The following CLN6 variants were observed in gnomAD, a reference collection of about 807,000 sequenced individuals.
The protein encoded by CLN6 is CLN6 transmembrane ER protein, also known as ceroid-lipofuscinosis neuronal protein 6.
Under a neutral mutation model 33.3 loss-of-function variants are expected in CLN6, and 22 were observed. That is an observed-to-expected ratio of 0.66 (90% CI 0.47 to 0.94). The LOEUF (loss-of-function observed/expected upper bound fraction) is 0.94. Ranked by LOEUF, CLN6 falls within the 40% of genes least tolerant of loss-of-function variation. CLN6 has a pLI of 0.00. For missense variants in CLN6, 387 were observed against 417.1 expected (o/e 0.93, Z 0.63); for synonymous variants, 201 against 174.6 (o/e 1.15, Z -1.19).
intron 3 of CLN6, 177 bp downstream of exon 3, chr15:68,214,113 C>A: frequency 1.7e-6 from 1 of 600,394 alleles, no homozygotes; most frequent in Non-Finnish European, 3.0e-6. Context: ...TCCAGGCCAC[C>A]GGCAGCTCCG....
intron 1 of CLN6, among the ~76,000 whole-genome samples, chr15:68,253,774 G>A (rs1892404186): frequency 6.6e-6 from 1 of 151,576 alleles, no homozygotes; most frequent in Non-Finnish European, 1.5e-5. Flanking sequence ...TGCCACCAGT[G>A]GCGACACACA....
upstream of CLN6, among the ~76,000 whole-genome samples, chr15:68,230,570 T>C (rs1399235662): frequency 6.6e-6 from 1 of 152,178 alleles, no homozygotes; most frequent in Non-Finnish European, 1.5e-5. The surrounding 1 kb of genome is among the most constrained non-coding windows in gnomAD (Gnocchi z 4.0). Context: ...GTGGTACCAC[T>C]TTGAACTAGC....
In CLN6 at chr15:68,242,455, T is replaced by G. The variant is rs947504228; in HGVS notation, c.179+14235A>C. 2.6e-5 allele frequency among the ~76,000 whole-genome samples: 4 copies of G among 152,038 alleles called. No individual in the cohort carries two copies. Among genetic ancestry groups the G allele is most frequent in the African/African-American group, 9.7e-5 (4 of 41,422 alleles). On this transcript the variant is annotated intron_variant, in intron 1 of 6. Coordinates refer to the CLN6 transcript ENST00000538696. This position sits in a 1 kb window ranked among gnomAD's most constrained non-coding sequence, Gnocchi z 5.0. The stretch of plus-strand genomic sequence containing the variant: ...GGAAATTGCCTCAAAAGATCAAATC[T>G]AATAATTATTGGTGTTCAAGAGGGA...
At chr15:68,239,606 T>C (rs951279426) in intron 1 of CLN6, among the ~76,000 whole-genome samples, 3 of 152,100 alleles carry the variant, frequency 2.0e-5, no homozygotes, top group Non-Finnish European at 2.9e-5. Context: ...AGCATCCAAA[T>C]ATATAAAATA....
At chr15:68,222,729 G>C (rs539037001) in intron 1 of CLN6, among the ~76,000 whole-genome samples, 1 of 152,208 alleles carries the variant, frequency 6.6e-6, no homozygotes, top group African/African-American at 2.4e-5. Context: ...GATTGTTACT[G>C]TGTCTGTGTA....
chr15:68,252,019 G>C (rs901424632), intron 1 of CLN6, among the ~76,000 whole-genome samples: 1 of 145,354 alleles, frequency 6.9e-6, no homozygotes. Context: ...TGTCGCCCAG[G>C]CTAGAGTGCA....
At chr15:68,251,016 A>G (rs1013907996) in intron 1 of CLN6, among the ~76,000 whole-genome samples, 1 of 152,234 alleles carries the variant, frequency 6.6e-6, no homozygotes, top group Middle Eastern at 3.2e-3. Context: ...TCTGATGAAC[A>G]TGGATGTAAA....
At chr15:68,226,564 T>A (rs1227350587) in intron 1 of CLN6, among the ~76,000 whole-genome samples, 2 of 152,016 alleles carry the variant, frequency 1.3e-5, no homozygotes. Flanking sequence ...CCTCCTGAGT[T>A]CAAGTAATTC....
Position 68,214,271 on chromosome 15 carries a change from G to A in CLN6, c.297+19C>T. 6.4e-7 allele frequency: 1 copy of A among 1,574,618 alleles called. No individual in the cohort carries two copies. Among genetic ancestry groups the A allele is most frequent in the Non-Finnish European group, 8.7e-7 (1 of 1,146,134 alleles). On this transcript the variant is annotated intron_variant, in intron 3 of 6. Coordinates refer to ENST00000249806, the MANE Select transcript of CLN6 (RefSeq NM_017882.3). ...AAGAATGGGGATGACAGGAGAGAGT[G>A]GGGGCCCTGGGACAGTACCTTGAGC... is the stretch of plus-strand genomic sequence containing the variant.
At position 68,229,513 on chromosome 15, in the gene CLN6, G is replaced by A. The variant is rs767394326; in HGVS notation, c.72C>T (p.Phe24=). ...GGPGAQLGAS[F]LQARHGSVSA... ...CGGCGCGCGCCCACCTGGCCTGCAG[G>A]AAGGAGGCGCCCAGCTGCGCGCCTG... is the stretch of plus-strand genomic sequence containing the variant. Residue 24 remains phenylalanine, a synonymous_variant, in exon 1 of 7, where the codon TTC becomes TTT. Coordinates refer to ENST00000249806, the MANE Select transcript of CLN6 (RefSeq NM_017882.3). 1.8e-5 allele frequency: 26 copies of A among 1,467,440 alleles called. No individual in the cohort carries two copies. The highest frequency in any genetic ancestry group is 5.1e-5 in the South Asian group (4 of 77,990). 90.9% of individuals were successfully genotyped at this position (1,467,440 alleles called of 1,614,324 possible).
chr15:68,229,767 A>AGCGGAGCGGAGGGAGGCGGGCGGG, upstream of CLN6: 1 of 317,896 alleles, frequency 3.1e-6, no homozygotes, highest in Admixed American at 5.2e-5. Flanking sequence ...AGCGGAGCGG[A>AGCGGAGCGGAGGGAGGCGGGCGGG]GCGGAGCGGA....
chr15:68,242,512 TTAAA>T lies in CLN6; in HGVS notation c.179+14174_179+14177del, dbSNP rs1316764797. ...CAAGAACAAGGGGTACAGAACTTAC[TTAAA>T]TAAATAATAAGGAGACTCCATCTCA... On this transcript the variant is annotated intron_variant, in intron 1 of 6. Transcript: ENST00000538696. This position sits in a 1 kb window ranked among gnomAD's most constrained non-coding sequence, Gnocchi z 5.0. Among the ~76,000 whole-genome samples, 2 of 151,808 alleles carry T rather than the reference TTAAA, an allele frequency of 1.3e-5. No individual in the cohort carries two copies. Among genetic ancestry groups the T allele is most frequent in the Admixed American group, 1.3e-4 (2 of 15,236 alleles).
At position 68,212,089 on chromosome 15, in the gene CLN6, G is replaced by GTAAAA. The variant is rs1424386666; in HGVS notation, c.298-227_298-226insTTTTA. 6.9e-6 allele frequency: 4 copies of GTAAAA among 581,446 alleles called. No homozygotes were observed. The East Asian group carries it at 1.2e-4, about 17-fold the overall frequency. The allele number at this position is 581,446 out of a possible 1,614,324, so 36.0% of individuals were successfully genotyped here. On this transcript the variant is annotated intron_variant, in intron 3 of 6. Transcript: ENST00000249806. ...CAGCACCCCCCGCTGACTTTACCCA[G>GTAAAA]GGAGCAAAAAGACCAGAGGGCCCAA...
intron 1 of CLN6, among the ~76,000 whole-genome samples, chr15:68,248,028 C>CAAAAAAAAAAAAAAAAAAAA (rs34262273): frequency 8.5e-6 from 1 of 118,200 alleles, no homozygotes; most frequent in Non-Finnish European, 1.7e-5. Context: ...AACTCAGTCT[C>CAAAAAAAAAAAAAAAAAAAA]AAAAAAAAAA....
chr15:68,214,454 G>C lies in CLN6; in HGVS notation c.199-66C>G. On this transcript the variant is annotated intron_variant, in intron 2 of 6. Transcript: ENST00000249806. ...CCCACGCGGCCCTCGGGCCTCAAGG[G>C]AGTCTGCCCCTAATGCCGCCCACCC... 5 of 1,200,116 alleles carry C rather than the reference G, an allele frequency of 4.2e-6. No homozygotes were observed. In the East Asian group the frequency reaches 1.2e-4, roughly 28 times the overall value. The allele number at this position is 1,200,116 out of a possible 1,614,324, so 74.3% of individuals were successfully genotyped here.
Position 68,209,266 on chromosome 15 carries a change from C to T in CLN6, c.665+371G>A, listed in dbSNP as rs1043195522. Among the ~76,000 whole-genome samples, 3 of 152,330 alleles carry T rather than the reference C, an allele frequency of 2.0e-5. No homozygotes were observed. Among genetic ancestry groups the T allele is most frequent in the Non-Finnish European group, 2.9e-5 (2 of 68,034 alleles). On this transcript the variant is annotated intron_variant, in intron 6 of 6. Coordinates refer to ENST00000249806, the MANE Select transcript of CLN6 (RefSeq NM_017882.3). This position sits in a 1 kb window ranked among gnomAD's most constrained non-coding sequence, Gnocchi z 4.9. The stretch of plus-strand genomic sequence containing the variant: ...AGGCAGACAGGCAGGTACCATCATC[C>T]CCACTTCACAGAGGTGGAAACCGCA...
intron 1 of CLN6, among the ~76,000 whole-genome samples, chr15:68,255,150 C>T (rs1433550769): frequency 6.6e-6 from 1 of 152,320 alleles, no homozygotes; most frequent in South Asian, 2.1e-4. Flanking sequence ...TTGCCCTTGG[C>T]TCCCAGGAAG....
chr15:68,233,019 G>A (rs1333608326), upstream of CLN6, among the ~76,000 whole-genome samples: 3 of 152,260 alleles, frequency 2.0e-5, no homozygotes, highest in African/African-American at 7.2e-5. This position sits in a 1 kb window ranked among gnomAD's most constrained non-coding sequence, Gnocchi z 4.3. Context: ...CTCTAGTCTG[G>A]GCGACAGAGC....
intron 1 of CLN6, among the ~76,000 whole-genome samples, chr15:68,235,581 A>AAATAAATAAATAAATAAAT (rs1567103316): frequency 2.7e-4 from 19 of 70,834 alleles, no homozygotes; most frequent in African/African-American, 9.6e-4. Context: ...AAAAAAAATA[A>AAATAAATAAATAAATAAAT]AAATAAATAT....
Sources: gnomAD v4.1 joint callset for allele counts (sites outside exome capture counted in the v4.1 genomes callset) on GRCh38, gnomAD v4.1.1 for gene constraint, Gnocchi (gnomAD v3.1) non-coding constraint, MANE v1.5 for transcripts, NCBI Gene and HGNC (gene_info 2026-07-23, HGNC 2026-07-21) for gene names.